The following NEDD4L variants were observed in gnomAD, a reference collection of about 807,000 sequenced individuals.
NEDD4L encodes NEDD4 like E3 ubiquitin protein ligase, also known as E3 ubiquitin-protein ligase NEDD4-like.
Under a neutral mutation model 148.9 loss-of-function variants are expected in NEDD4L, and 54 were observed. The observed-to-expected ratio is 0.36, with a 90% confidence interval of 0.29 to 0.45. The LOEUF is 0.45. NEDD4L is among the 20% of genes least tolerant of loss of function. The pLI, the probability that NEDD4L is intolerant of heterozygous loss-of-function variation, is 1.00. For missense variants in NEDD4L, 856 were observed against 1,233.8 expected, an observed-to-expected ratio of 0.69 and a Z score of 4.59; for synonymous variants, 433 against 440.7, an observed-to-expected ratio of 0.98 and a Z score of 0.22.
intron 11 of NEDD4L, among the ~76,000 whole-genome samples, chr18:58,331,405 TTGAG>T (rs1448292063): frequency 6.6e-6 from 1 of 152,142 alleles, no homozygotes; most frequent in Non-Finnish European, 1.5e-5. Context: ...AAGACAAGGT[TTGAG>T]TGGGAGATAG....
In NEDD4L at chr18:58,341,787, C is replaced by T. The variant is rs1223192688; in HGVS notation, c.1367C>T (p.Ala456Val). ...AGCTCGCCAACAGTAACTTTATCTG[C>T]CCCGCTGGAGGTGAGACGGCTACCT... Reference protein sequence around the residue: ...SLSSPTVTLSAPLEGAKDSPV... With the variant: ...SLSSPTVTLSVPLEGAKDSPV... The change falls in exon 15 of 31, where the codon GCC becomes GTC. Residue 456 changes from alanine (A) to valine (V), a missense_variant. By Grantham distance (64) the Ala-to-Val change is moderately conservative. This residue lies in a region of NEDD4L where 367 missense variants were observed against 422.7 expected (regional missense o/e 0.87). Transcript: ENST00000400345. 1 of 1,613,138 alleles carries T rather than the reference C, an allele frequency of 6.2e-7. No homozygotes were observed. The highest frequency in any genetic ancestry group is 8.5e-7 in the Non-Finnish European group (1 of 1,179,614).
At chr18:58,277,451 T>A (rs921452328) in intron 5 of NEDD4L, among the ~76,000 whole-genome samples, 1 of 152,068 alleles carries the variant, frequency 6.6e-6, no homozygotes, top group African/African-American at 2.4e-5. Flanking sequence ...TGAAAAGAAA[T>A]GTCTACCAGG....
At chr18:58,197,915 A>C (rs8092029) in intron 2 of NEDD4L, 9,670 of 152,210 alleles carry the variant, frequency 0.064, 979 homozygotes, top group African/African-American at 0.22. Flanking sequence ...GCTGCCCCAC[A>C]CACTCTCCAG....
intron 2 of NEDD4L, among the ~76,000 whole-genome samples, chr18:58,207,399 C>T (rs897793128): frequency 3.3e-5 from 5 of 151,478 alleles, no homozygotes; most frequent in African/African-American, 9.7e-5. Flanking sequence ...ACTTACAGTT[C>T]TGGAGCTGTA....
At chr18:58,087,397 G>A (rs925970891) in intron 1 of NEDD4L, among the ~76,000 whole-genome samples, 4 of 152,124 alleles carry the variant, frequency 2.6e-5, no homozygotes, top group African/African-American at 4.8e-5. Flanking sequence ...AGGGGTTTTC[G>A]AACTCTCTTT....
chr18:58,311,228 T>C (rs1030933157), intron 5 of NEDD4L, among the ~76,000 whole-genome samples: 1 of 152,224 alleles, frequency 6.6e-6, no homozygotes, highest in African/African-American at 2.4e-5. Flanking sequence ...TACCTGTGTT[T>C]TATGTGAGGC....
intron 1 of NEDD4L, among the ~76,000 whole-genome samples, chr18:58,164,411 T>TC (rs2036595635): frequency 6.6e-6 from 1 of 152,220 alleles, no homozygotes; most frequent in Non-Finnish European, 1.5e-5. Context: ...AAAACTGTTG[T>TC]ACTTTAGAAG....
At position 58,184,352 on chromosome 18, in the gene NEDD4L, G is replaced by A. The variant is rs1422671319; in HGVS notation, c.122+18491G>A. Among the ~76,000 whole-genome samples, 4 of 151,944 alleles carry A rather than the reference G, an allele frequency of 2.6e-5. No individual in the cohort carries two copies. In the East Asian group the frequency reaches 7.8e-4, roughly 29 times the overall value. On this transcript the variant is annotated intron_variant, in intron 2 of 30. Transcript: ENST00000400345. The stretch of plus-strand genomic sequence containing the variant: ...GGTTTCCACCAGCAGCCTGCTTGGT[G>A]TGGTTTTGAAATGGAGCAGAGATGG...
chr18:58,117,806 C>T (rs369557135), intron 1 of NEDD4L, among the ~76,000 whole-genome samples: 3 of 152,176 alleles, frequency 2.0e-5, no homozygotes, highest in African/African-American at 7.2e-5. Flanking sequence ...GCCACAGTGT[C>T]TTTGTAGTCA....
intron 19 of NEDD4L, among the ~76,000 whole-genome samples, chr18:58,363,407 T>C (rs999709042): frequency 2.6e-5 from 4 of 152,200 alleles, no homozygotes; most frequent in Admixed American, 2.6e-4. Context: ...TTCGAGGCTG[T>C]CATAGTTAAT....
Position 58,390,658 on chromosome 18 carries a change from A to G in NEDD4L, c.2668A>G (p.Met890Val), listed in dbSNP as rs1168844852. The G allele has an allele frequency of 1.3e-6, 2 of 1,586,322 alleles. No individual in the cohort carries two copies. Among genetic ancestry groups the G allele is most frequent in the Non-Finnish European group, 1.7e-6 (2 of 1,164,744 alleles). ...IQWFWKAVLLMDAEKRIRLLQ... is the reference protein window; with the variant it reads ...IQWFWKAVLLVDAEKRIRLLQ... ...CCTCTGTTCATAGGCTGTGCTACTC[A>G]TGGACGCCGAAAAGCGTATCCGGTT... The change falls in exon 29 of 31, where the codon ATG becomes GTG. Residue 890 changes from methionine (M) to valine (V), a missense_variant. Physicochemically the swap from Met to Val is conservative, Grantham distance 21. Transcript: ENST00000400345.
intron 1 of NEDD4L, among the ~76,000 whole-genome samples, chr18:58,061,889 G>A (rs991381397): frequency 3.3e-5 from 5 of 151,812 alleles, no homozygotes; most frequent in Admixed American, 2.6e-4. Context: ...ATGATATATA[G>A]CTCTAAATAG....
intron 5 of NEDD4L, among the ~76,000 whole-genome samples, chr18:58,270,909 A>G (rs1346065820): frequency 6.6e-6 from 1 of 151,978 alleles, no homozygotes; most frequent in Admixed American, 6.6e-5. Context: ...AATAATGTAT[A>G]TGATCTGTCT....
intron 16 of NEDD4L, among the ~76,000 whole-genome samples, chr18:58,344,974 A>G (rs1029882050): frequency 4.6e-5 from 7 of 152,264 alleles, no homozygotes; most frequent in Non-Finnish European, 1.0e-4. Flanking sequence ...TCAAGCCACA[A>G]CAACAGTGTA....
intron 24 of NEDD4L, among the ~76,000 whole-genome samples, chr18:58,380,607 A>T (rs898189411): frequency 2.0e-5 from 3 of 152,116 alleles, no homozygotes; most frequent in African/African-American, 7.2e-5. Flanking sequence ...AAGTTCTGGG[A>T]TACATGTGCA....
chr18:58,056,907 T>G (rs113769978), intron 1 of NEDD4L, among the ~76,000 whole-genome samples: 2,764 of 148,158 alleles, frequency 0.019, 82 homozygotes, highest in African/African-American at 0.064. Context: ...TTTTTTTTTT[T>G]TTTGTTTGTT....
intron 2 of NEDD4L, among the ~76,000 whole-genome samples, chr18:58,184,214 G>C (rs1344886023): frequency 6.6e-6 from 1 of 152,128 alleles, no homozygotes; most frequent in Non-Finnish European, 1.5e-5. Context: ...TCCTGGTAGG[G>C]GTGTCTGGCT....
At chr18:58,324,145 A>G (rs892647436) in intron 8 of NEDD4L, among the ~76,000 whole-genome samples, 10 of 152,236 alleles carry the variant, frequency 6.6e-5, no homozygotes, top group African/African-American at 2.4e-4. Flanking sequence ...TGTGGGTGAT[A>G]GAAATTTATG....
chr18:58,176,290 C>G (rs908414158), intron 2 of NEDD4L, among the ~76,000 whole-genome samples: 1 of 151,960 alleles, frequency 6.6e-6, no homozygotes, highest in African/African-American at 2.4e-5. Context: ...CTCTCTCCTC[C>G]TCCTCCTTCC....
Sources: allele counts gnomAD v4.1 joint callset (sites outside exome capture counted in the v4.1 genomes callset), GRCh38; gene constraint gnomAD v4.1.1; regional missense constraint gnomAD v4.1.1; transcripts MANE v1.5; gene names NCBI Gene and HGNC (gene_info 2026-07-23, HGNC 2026-07-21).